NWD2: variants seen among roughly 807,000 people sequenced by gnomAD.
NWD2 encodes NACHT and WD repeat domain-containing protein 2.
NWD2 carries 37 observed loss-of-function variants against 132.7 expected under a neutral mutation model. That is an observed-to-expected ratio of 0.28 (90% CI 0.21 to 0.37). The LOEUF (loss-of-function observed/expected upper bound fraction) is 0.37. Ranked by LOEUF, NWD2 falls within the 10% of genes least tolerant of loss-of-function variation. The pLI is 1.00. For synonymous variants in NWD2, 705 were observed against 803.0 expected (o/e 0.88, Z 2.06); for missense variants, 1,592 against 2,122.4 (o/e 0.75, Z 4.91).
Position 37,303,447 on chromosome 4 carries a change from C to T in NWD2, c.152-22489C>T, listed in dbSNP as rs188969806. Among the ~76,000 whole-genome samples, 170 of 152,088 alleles carry T rather than the reference C, an allele frequency of 1.1e-3. 1 individual carries two copies. Among genetic ancestry groups the T allele is most frequent in the African/African-American group, 3.9e-3 (163 of 41,510 alleles). ...CTTTGGCTATTTGAGATTTTTGTTACGGTTCCATATAAATTTTAGGGTTAT... is the reference window on the plus strand; with the variant it reads ...CTTTGGCTATTTGAGATTTTTGTTATGGTTCCATATAAATTTTAGGGTTAT... On this transcript the variant is annotated intron_variant, in intron 1 of 6. Transcript: ENST00000309447.
rs138996296 is a variant in NWD2, at chr4:37,392,756, G to C, written c.357+36274G>C. Among the ~76,000 whole-genome samples the C allele has an allele frequency of 9.2e-5, 14 of 152,254 alleles. No homozygotes were observed. The East Asian group carries it at 2.7e-3, about 29-fold the overall frequency. The stretch of plus-strand genomic sequence containing the variant: ...TCCTACAGAGCTCTGCACACTGCAG[G>C]GCACTCAATAAATGCCTCTGAGTGA... On this transcript the variant is annotated intron_variant, in intron 3 of 6. Transcript: ENST00000309447.
intron 3 of NWD2, among the ~76,000 whole-genome samples, chr4:37,361,998 A>C (rs1719990847): frequency 6.6e-6 from 1 of 152,310 alleles, no homozygotes; most frequent in African/African-American, 2.4e-5. Context: ...ATGTACAAAA[A>C]TAAGTAACAT....
chr4:37,371,421 A>G (rs1720228546), intron 3 of NWD2, among the ~76,000 whole-genome samples: 1 of 152,202 alleles, frequency 6.6e-6, no homozygotes. Context: ...CTTATTAATC[A>G]TAACCAGTTT....
At chr4:37,288,681 T>C (rs1283550573) in intron 1 of NWD2, among the ~76,000 whole-genome samples, 5 of 152,256 alleles carry the variant, frequency 3.3e-5, no homozygotes, top group African/African-American at 1.2e-4. Context: ...TTCTGCCTCC[T>C]CTGTCAGGGT....
At chr4:37,397,162 TAGTC>T (rs1047622539) in intron 3 of NWD2, among the ~76,000 whole-genome samples, 1 of 152,134 alleles carries the variant, frequency 6.6e-6, no homozygotes, top group African/African-American at 2.4e-5. Context: ...GGCCACTTTT[TAGTC>T]AGCCCAGCAG....
intron 1 of NWD2, among the ~76,000 whole-genome samples, chr4:37,294,283 C>G (rs1363470630): frequency 6.6e-6 from 1 of 152,176 alleles, no homozygotes; most frequent in African/African-American, 2.4e-5. Flanking sequence ...TAATGTGCCA[C>G]TAATTGGCAG....
intron 1 of NWD2, among the ~76,000 whole-genome samples, chr4:37,293,836 T>C (rs927597687): frequency 2.6e-5 from 4 of 151,130 alleles, no homozygotes; most frequent in African/African-American, 9.7e-5. Context: ...GCAAGCTATG[T>C]AGTACTGGGT....
At chr4:37,280,842 A>G (rs746298092) in intron 1 of NWD2, among the ~76,000 whole-genome samples, 16 of 152,314 alleles carry the variant, frequency 1.1e-4, no homozygotes, top group Non-Finnish European at 2.1e-4. Flanking sequence ...GGGACATAGC[A>G]TAGCAAATAT....
intron 3 of NWD2, among the ~76,000 whole-genome samples, chr4:37,419,313 G>A (rs1711736852): frequency 6.6e-6 from 1 of 152,124 alleles, no homozygotes; most frequent in Non-Finnish European, 1.5e-5. Context: ...TAAAACCTGG[G>A]CAATACCATT....
At chr4:37,414,448 C>G (rs1206450323) in intron 3 of NWD2, among the ~76,000 whole-genome samples, 1 of 151,416 alleles carries the variant, frequency 6.6e-6, no homozygotes, top group Admixed American at 6.6e-5. Flanking sequence ...CTTTAAGTGG[C>G]CTCAGCCAGC....
chr4:37,350,495 G>T (rs1303411054), intron 2 of NWD2, among the ~76,000 whole-genome samples: 1 of 152,102 alleles, frequency 6.6e-6, no homozygotes, highest in African/African-American at 2.4e-5. Context: ...CTCTATTATT[G>T]ATGTATAGGA....
intron 2 of NWD2, among the ~76,000 whole-genome samples, chr4:37,332,794 C>T (rs887127427): frequency 6.6e-6 from 1 of 152,182 alleles, no homozygotes; most frequent in African/African-American, 2.4e-5. Flanking sequence ...CTTGGGGTTC[C>T]CAGTTCCAGG....
At chr4:37,287,525 C>G (rs1010651101) in intron 1 of NWD2, among the ~76,000 whole-genome samples, 1 of 152,194 alleles carries the variant, frequency 6.6e-6, no homozygotes, top group Admixed American at 6.5e-5. Context: ...CTGTGGCATA[C>G]GGTGGCCAGA....
At chr4:37,278,910 C>G (rs1053831202) in intron 1 of NWD2, among the ~76,000 whole-genome samples, 2 of 152,126 alleles carry the variant, frequency 1.3e-5, no homozygotes, top group African/African-American at 4.8e-5. Context: ...TACTCAACCC[C>G]CTGTAGAAGA....
At chr4:37,286,990 T>C (rs1718246114) in intron 1 of NWD2, among the ~76,000 whole-genome samples, 1 of 152,106 alleles carries the variant, frequency 6.6e-6, no homozygotes, top group Non-Finnish European at 1.5e-5. Flanking sequence ...TCATCAGAAC[T>C]GACGAGGTGA....
chr4:37,272,951 T>A (rs1245863739), intron 1 of NWD2, among the ~76,000 whole-genome samples: 1 of 151,768 alleles, frequency 6.6e-6, no homozygotes, highest in Non-Finnish European at 1.5e-5. Context: ...ACACATTAGG[T>A]GATGTGCTCT....
chr4:37,254,394 G>A (rs1717468170), intron 1 of NWD2, among the ~76,000 whole-genome samples: 1 of 152,160 alleles, frequency 6.6e-6, no homozygotes, highest in African/African-American at 2.4e-5. Flanking sequence ...CCAGCATTCA[G>A]ACATTAAAAA....
At position 37,448,104 on chromosome 4, in the gene NWD2, G is replaced by C. The variant is rs1393737446; in HGVS notation, c.*887G>C. 2 of 152,134 alleles carry C rather than the reference G, an allele frequency of 1.3e-5. No homozygotes were observed. Among genetic ancestry groups the C allele is most frequent in the African/African-American group, 4.8e-5 (2 of 41,420 alleles). The allele number at this position is 152,134 out of a possible 1,614,324, so 9.4% of individuals were successfully genotyped here. On this transcript the variant is annotated 3_prime_UTR_variant, in exon 7 of 7. Transcript: ENST00000309447. ...GAAGTCTGTACTATTTGGTCAGTTT[G>C]TATGGAAGCATAAATATTCCCTAAA...
chr4:37,291,127 C>CT (rs1167563543), intron 1 of NWD2, among the ~76,000 whole-genome samples: 1 of 152,186 alleles, frequency 6.6e-6, no homozygotes, highest in African/African-American at 2.4e-5. Context: ...ACCACACTCA[C>CT]TAACAGGTCA....
Sources: allele counts gnomAD v4.1 joint callset (sites outside exome capture counted in the v4.1 genomes callset), GRCh38; gene constraint gnomAD v4.1.1; transcripts MANE v1.5; gene names NCBI Gene and HGNC (gene_info 2026-07-23, HGNC 2026-07-21).